Variants in PAPPA2 observed in about 807,000 individuals in gnomAD.
PAPPA2 encodes pappalysin-2.
Under a neutral mutation model 176.4 loss-of-function variants are expected in PAPPA2, and 86 were observed. That is an observed-to-expected ratio of 0.49 (90% CI 0.41 to 0.58). The LOEUF (loss-of-function observed/expected upper bound fraction) is 0.58. Among genes scored for constraint, PAPPA2 ranks in the 20% least tolerant of loss-of-function variants. PAPPA2 has a pLI of 0.00. For missense variants in PAPPA2, 2,073 were observed against 2,256.9 expected, an observed-to-expected ratio of 0.92 and a Z score of 1.65; for synonymous variants, 809 against 852.2, an observed-to-expected ratio of 0.95 and a Z score of 0.88.
chr1:176,654,104 A>G (rs902228249), intron 3 of PAPPA2, among the ~76,000 whole-genome samples: 4 of 151,570 alleles, frequency 2.6e-5, no homozygotes, highest in African/African-American at 9.7e-5. Context: ...TGCTTTTGAG[A>G]TCATAGTCAT....
chr1:176,717,433 A>G lies in PAPPA2; in HGVS notation c.3798+5452A>G, dbSNP rs140485529. On this transcript the variant is annotated intron_variant, in intron 12 of 22. Coordinates refer to ENST00000367662, the MANE Select transcript of PAPPA2 (RefSeq NM_020318.3). ...TTGCCCCTTTTCCAGAAAGTTCTGA[A>G]TAGCCATCTCTTAATTAGCATATAA... Among the ~76,000 whole-genome samples, 24 of 152,354 alleles carry G rather than the reference A, an allele frequency of 1.6e-4. No homozygotes were observed. The East Asian group carries it at 4.4e-3, about 28-fold the overall frequency.
intron 17 of PAPPA2, among the ~76,000 whole-genome samples, chr1:176,776,697 G>T (rs987994927): frequency 6.6e-6 from 1 of 152,034 alleles, no homozygotes. Flanking sequence ...GCTCTGTTCT[G>T]TTGGGTATTG....
chr1:176,602,330 C>T (rs1431578522), intron 3 of PAPPA2, among the ~76,000 whole-genome samples: 2 of 152,124 alleles, frequency 1.3e-5, no homozygotes, highest in African/African-American at 2.4e-5. Context: ...AAGAGGGTGG[C>T]TGGGAATTGT....
intron 1 of PAPPA2, among the ~76,000 whole-genome samples, chr1:176,529,632 C>T (rs1318607084): frequency 6.6e-6 from 1 of 152,194 alleles, no homozygotes; most frequent in Non-Finnish European, 1.5e-5. Context: ...CCTTCCCTTG[C>T]CACACACACA....
chr1:176,587,860 G>A (rs766491336), intron 2 of PAPPA2, among the ~76,000 whole-genome samples: 8 of 152,138 alleles, frequency 5.3e-5, no homozygotes, highest in South Asian at 2.1e-4. Context: ...AAACCTGCAC[G>A]TTGTGCACAT....
chr1:176,536,182 CACTT>C (rs1179518228), intron 1 of PAPPA2, among the ~76,000 whole-genome samples: 21 of 152,190 alleles, frequency 1.4e-4, no homozygotes, highest in African/African-American at 5.1e-4. Flanking sequence ...AGGAAGCAGT[CACTT>C]ACTTGCTTTG....
intron 3 of PAPPA2, among the ~76,000 whole-genome samples, chr1:176,663,956 G>T (rs1447176076): frequency 6.6e-6 from 1 of 152,116 alleles, no homozygotes; most frequent in Non-Finnish European, 1.5e-5. Flanking sequence ...CTCTTGATAT[G>T]GTGGGTAAAA....
intron 12 of PAPPA2, 63 bp from the exon 13 acceptor site, chr1:176,739,563 A>T: frequency 6.6e-7 from 1 of 1,510,648 alleles, no homozygotes; most frequent in South Asian, 1.3e-5. Context: ...TAAAAATTGT[A>T]TAGCACATGT....
At chr1:176,744,471 C>G (rs1299317983) in intron 14 of PAPPA2, among the ~76,000 whole-genome samples, 2 of 152,150 alleles carry the variant, frequency 1.3e-5, no homozygotes, top group African/African-American at 4.8e-5. Context: ...CTTTAGGACT[C>G]AGTAGCATTT....
chr1:176,577,418 A>T (rs1278494033), intron 2 of PAPPA2, among the ~76,000 whole-genome samples: 1 of 152,182 alleles, frequency 6.6e-6, no homozygotes, highest in Non-Finnish European at 1.5e-5. Flanking sequence ...TGTAATGAGA[A>T]GGTGAAAAAT....
chr1:176,605,405 A>G (rs1205717183), intron 3 of PAPPA2, among the ~76,000 whole-genome samples: 3 of 152,328 alleles, frequency 2.0e-5, no homozygotes, highest in Middle Eastern at 3.4e-3. Context: ...AGAGAGTTGC[A>G]GAGACTGTGG....
At chr1:176,761,537 G>A (rs2102900816) in intron 14 of PAPPA2, among the ~76,000 whole-genome samples, 1 of 152,310 alleles carries the variant, frequency 6.6e-6, no homozygotes, top group African/African-American at 2.4e-5. Flanking sequence ...ATTTAAAAGA[G>A]AACTGCTCAA....
intron 12 of PAPPA2, among the ~76,000 whole-genome samples, chr1:176,728,335 C>T (rs1409085917): frequency 6.6e-6 from 1 of 151,856 alleles, no homozygotes; most frequent in African/African-American, 2.4e-5. Flanking sequence ...AAAATTATTT[C>T]ACTTAGTATC....
At chr1:176,840,944 GTA>G (rs939290998) in intron 22 of PAPPA2, among the ~76,000 whole-genome samples, 1 of 152,142 alleles carries the variant, frequency 6.6e-6, no homozygotes, top group African/African-American at 2.4e-5. Flanking sequence ...TTCCTTCCTT[GTA>G]TATGTCTCCA....
chr1:176,795,006 C>T (rs545118404), intron 20 of PAPPA2, among the ~76,000 whole-genome samples: 32 of 152,262 alleles, frequency 2.1e-4, no homozygotes, highest in African/African-American at 7.7e-4. Flanking sequence ...CAGGGGGCAG[C>T]CGAATCGTCA....
intron 3 of PAPPA2, among the ~76,000 whole-genome samples, chr1:176,662,327 T>G (rs184942922): frequency 6.6e-6 from 1 of 152,298 alleles, no homozygotes; most frequent in East Asian, 1.9e-4. Context: ...CAGTCAGGAC[T>G]GAATTAATTG....
intron 2 of PAPPA2, among the ~76,000 whole-genome samples, chr1:176,588,674 G>A (rs1203274096): frequency 6.6e-6 from 1 of 152,182 alleles, no homozygotes; most frequent in African/African-American, 2.4e-5. Flanking sequence ...ATGTGTGCTT[G>A]CTGGGCTATT....
intron 3 of PAPPA2, among the ~76,000 whole-genome samples, chr1:176,643,746 T>A (rs905813210): frequency 1.3e-5 from 2 of 151,790 alleles, no homozygotes; most frequent in African/African-American, 4.8e-5. Context: ...CCGGCCATAG[T>A]CTGAATATGA....
At chr1:176,585,749 A>G (rs999087257) in intron 2 of PAPPA2, among the ~76,000 whole-genome samples, 3 of 151,964 alleles carry the variant, frequency 2.0e-5, no homozygotes, top group African/African-American at 4.8e-5. Context: ...TCTTTCTTCT[A>G]CTTGGTCTAA....
Sources: allele counts gnomAD v4.1 joint callset (sites outside exome capture counted in the v4.1 genomes callset), GRCh38; gene constraint gnomAD v4.1.1; transcripts MANE v1.5; gene names NCBI Gene and HGNC (gene_info 2026-07-23, HGNC 2026-07-21).